The following PBX3 variants were observed in gnomAD, a reference collection of about 807,000 sequenced individuals.
The protein encoded by PBX3 is pre-B-cell leukemia transcription factor 3.
Under a neutral mutation model 48.5 loss-of-function variants are expected in PBX3, and 14 were observed. That is an observed-to-expected ratio of 0.29 (90% CI 0.19 to 0.45). The LOEUF is 0.45. Among genes scored for constraint, PBX3 ranks in the 20% least tolerant of loss-of-function variants. The probability of loss-of-function intolerance (pLI) is 1.00; values close to 1 mark genes in which losing one functional copy is unlikely to be tolerated. For synonymous variants in PBX3, 210 were observed against 200.3 expected (o/e 1.05, Z -0.41); for missense variants, 386 against 546.7 (o/e 0.71, Z 2.93).
intron 4 of PBX3, among the ~76,000 whole-genome samples, chr9:125,934,324 T>TGAG (rs1841787343): frequency 6.6e-6 from 1 of 152,210 alleles, no homozygotes; most frequent in Non-Finnish European, 1.5e-5. Flanking sequence ...AACAGCCTAC[T>TGAG]GACTCTGTGT....
chr9:125,936,604 A>T (rs905567694), intron 5 of PBX3, among the ~76,000 whole-genome samples: 5 of 152,192 alleles, frequency 3.3e-5, no homozygotes, highest in Admixed American at 6.5e-5. Flanking sequence ...ATATCAGTGT[A>T]TGAAGTCATT....
chr9:125,803,088 TGTC>T (rs1026600040), intron 2 of PBX3, among the ~76,000 whole-genome samples: 9 of 147,676 alleles, frequency 6.1e-5, no homozygotes, highest in Middle Eastern at 3.5e-3. Flanking sequence ...TTCCCACTAA[TGTC>T]TTTTTTTTTT....
At chr9:125,804,225 C>T (rs970749637) in intron 2 of PBX3, among the ~76,000 whole-genome samples, 7 of 152,132 alleles carry the variant, frequency 4.6e-5, no homozygotes, top group Admixed American at 2.0e-4. Flanking sequence ...TGTTAGATAG[C>T]TAAGAGTTAT....
At chr9:125,822,301 A>G (rs1838675160) in intron 2 of PBX3, among the ~76,000 whole-genome samples, 1 of 152,190 alleles carries the variant, frequency 6.6e-6, no homozygotes, top group Non-Finnish European at 1.5e-5. Context: ...TATAGCTTTA[A>G]AAGAATGGAC....
chr9:125,854,309 T>G (rs1393853752), intron 2 of PBX3, among the ~76,000 whole-genome samples: 1 of 151,964 alleles, frequency 6.6e-6, no homozygotes, highest in Non-Finnish European at 1.5e-5. Context: ...TTTTTGTGTT[T>G]TTTTTTGTAG....
At chr9:125,869,987 G>A (rs866473064) in intron 2 of PBX3, among the ~76,000 whole-genome samples, 1 of 151,540 alleles carries the variant, frequency 6.6e-6, no homozygotes, top group Non-Finnish European at 1.5e-5. Context: ...ACAGTTCCAC[G>A]TGTCTGGAGA....
At chr9:125,815,619 A>T (rs919433626) in intron 2 of PBX3, among the ~76,000 whole-genome samples, 33 of 151,892 alleles carry the variant, frequency 2.2e-4, no homozygotes, top group African/African-American at 7.7e-4. Flanking sequence ...TGTACTTTTG[A>T]TATTACCTCT....
At chr9:125,878,277 G>C (rs1048861350) in intron 2 of PBX3, among the ~76,000 whole-genome samples, 1 of 152,210 alleles carries the variant, frequency 6.6e-6, no homozygotes, top group African/African-American at 2.4e-5. Flanking sequence ...TTGGAGGGGG[G>C]TAAGAGGAGT....
intron 5 of PBX3, among the ~76,000 whole-genome samples, chr9:125,955,289 C>T (rs1236754647): frequency 1.3e-5 from 2 of 152,138 alleles, no homozygotes; most frequent in Non-Finnish European, 2.9e-5. Flanking sequence ...CTTCCTCTTC[C>T]TCAGCCAGAA....
At chr9:125,887,636 T>A in intron 2 of PBX3, among the ~76,000 whole-genome samples, 1 of 152,196 alleles carries the variant, frequency 6.6e-6, no homozygotes, top group East Asian at 1.9e-4. Flanking sequence ...CACATCAGTA[T>A]CTCAAGGGAC....
At chr9:125,909,690 A>G (rs566103850) in intron 2 of PBX3, among the ~76,000 whole-genome samples, 1 of 152,280 alleles carries the variant, frequency 6.6e-6, no homozygotes, top group East Asian at 1.9e-4. Flanking sequence ...AGGGAATTAC[A>G]CTGTCATAGA....
At chr9:125,860,884 CAAAAAAA>C (rs58796485) in intron 2 of PBX3, among the ~76,000 whole-genome samples, 2 of 99,124 alleles carry the variant, frequency 2.0e-5, no homozygotes, top group African/African-American at 3.9e-5. Context: ...AAGACTCTGT[CAAAAAAA>C]AAAAAAAAAA....
In PBX3 at chr9:125,757,058, G is replaced by A. The variant is rs148372111; in HGVS notation, c.274+8435G>A. Among the ~76,000 whole-genome samples, 3 of 152,174 alleles carry A rather than the reference G, an allele frequency of 2.0e-5. No homozygotes were observed. In the East Asian group the frequency reaches 5.8e-4, roughly 29 times the overall value. On this transcript the variant is annotated intron_variant, in intron 2 of 8. Coordinates refer to ENST00000373489, the MANE Select transcript of PBX3 (RefSeq NM_006195.6). ...CAGGCTTTCAGATGTACTAAGCCCTGCAAATAATTTATAGAGGAATTATTG... is the reference window on the plus strand; with the variant it reads ...CAGGCTTTCAGATGTACTAAGCCCTACAAATAATTTATAGAGGAATTATTG...
chr9:125,898,290 A>C (rs1169603303), intron 2 of PBX3, among the ~76,000 whole-genome samples: 2 of 151,742 alleles, frequency 1.3e-5, no homozygotes, highest in African/African-American at 4.8e-5. Flanking sequence ...CTGATAAAAG[A>C]GCAAACTTTT....
At chr9:125,805,472 T>A (rs1838099321) in intron 2 of PBX3, among the ~76,000 whole-genome samples, 1 of 152,158 alleles carries the variant, frequency 6.6e-6, no homozygotes, top group South Asian at 2.1e-4. Flanking sequence ...TTTTGACTTT[T>A]GAATGAATGG....
At chr9:125,886,593 G>A (rs1210297062) in intron 2 of PBX3, among the ~76,000 whole-genome samples, 1 of 152,086 alleles carries the variant, frequency 6.6e-6, no homozygotes, top group Non-Finnish European at 1.5e-5. Flanking sequence ...AGAGCCTTTA[G>A]GCAAATGCAG....
At chr9:125,795,220 A>C (rs542083561) in intron 2 of PBX3, among the ~76,000 whole-genome samples, 7 of 152,336 alleles carry the variant, frequency 4.6e-5, no homozygotes, top group Non-Finnish European at 8.8e-5. Context: ...CCTGTGCAGG[A>C]TTGAAGTGTA....
intron 2 of PBX3, among the ~76,000 whole-genome samples, chr9:125,795,540 C>T (rs1837753033): frequency 6.6e-6 from 1 of 152,098 alleles, no homozygotes; most frequent in African/African-American, 2.4e-5. Context: ...GGTATGTACT[C>T]AGTTCAACAA....
At chr9:125,801,556 C>T (rs1789076513) in intron 2 of PBX3, among the ~76,000 whole-genome samples, 1 of 152,122 alleles carries the variant, frequency 6.6e-6, no homozygotes, top group African/African-American at 2.4e-5. Context: ...AACACCTTTT[C>T]ACATAAGAAA....
Sources: gnomAD v4.1 joint callset for allele counts (sites outside exome capture counted in the v4.1 genomes callset) on GRCh38, gnomAD v4.1.1 for gene constraint, MANE v1.5 for transcripts, NCBI Gene and HGNC (gene_info 2026-07-23, HGNC 2026-07-21) for gene names.